RAD21L1: variants seen among roughly 807,000 people sequenced by gnomAD.
RAD21L1 encodes the protein double-strand-break repair protein rad21-like protein 1.
Under a neutral mutation model 69.0 loss-of-function variants are expected in RAD21L1, and 47 were observed. That is an observed-to-expected ratio of 0.68 (90% CI 0.54 to 0.87). The LOEUF (loss-of-function observed/expected upper bound fraction) is 0.87. Among genes scored for constraint, RAD21L1 ranks in the 40% least tolerant of loss-of-function variants. RAD21L1 has a pLI of 0.00. For missense variants in RAD21L1, 583 were observed against 647.6 expected, an observed-to-expected ratio of 0.90 and a Z score of 1.08; for synonymous variants, 177 against 205.8, an observed-to-expected ratio of 0.86 and a Z score of 1.20.
intron 4 of RAD21L1, among the ~76,000 whole-genome samples, chr20:1,233,874 T>C (rs1480147195): frequency 6.6e-6 from 1 of 152,202 alleles, no homozygotes; most frequent in East Asian, 1.9e-4. Flanking sequence ...GCTGTTTGTT[T>C]GTGCAAATAA....
At chr20:1,229,463 C>T (rs778465062) in intron 2 of RAD21L1, among the ~76,000 whole-genome samples, 70 of 152,214 alleles carry the variant, frequency 4.6e-4, no homozygotes, top group Admixed American at 1.0e-3. Flanking sequence ...TGCAGTGAGC[C>T]AAGATTGCGC....
chr20:1,245,952 G>A (rs2087708481), intron 11 of RAD21L1, among the ~76,000 whole-genome samples: 1 of 151,940 alleles, frequency 6.6e-6, no homozygotes, highest in Middle Eastern at 3.2e-3. Flanking sequence ...CAGTAGAGAG[G>A]GAAATAGGAA....
intron 8 of RAD21L1, among the ~76,000 whole-genome samples, chr20:1,241,218 C>A (rs1478178355): frequency 6.6e-6 from 1 of 152,188 alleles, no homozygotes; most frequent in Non-Finnish European, 1.5e-5. Context: ...ACACTTTTTA[C>A]TTTTAAGAAG....
At chr20:1,227,429 G>A (rs1405060501) in intron 1 of RAD21L1, among the ~76,000 whole-genome samples, 1 of 152,228 alleles carries the variant, frequency 6.6e-6, no homozygotes, top group Non-Finnish European at 1.5e-5. Flanking sequence ...TTGAATTCTT[G>A]CGGTACAAAT....
At chr20:1,227,072 G>A (rs1227191310) in intron 1 of RAD21L1, among the ~76,000 whole-genome samples, 1 of 152,100 alleles carries the variant, frequency 6.6e-6, no homozygotes, top group Non-Finnish European at 1.5e-5. Flanking sequence ...ACCGTGCCTG[G>A]CTACTTTTTG....
chr20:1,244,288 T>A, intron 11 of RAD21L1, 118 bp downstream of exon 11: 2 of 744,788 alleles, frequency 2.7e-6, no homozygotes, highest in Non-Finnish European at 4.0e-6. Flanking sequence ...TTTTAAATTG[T>A]TTTGCAATTT....
rs535982290 is a variant in RAD21L1, at chr20:1,254,072, C to T, written c.1480-197C>T. On this transcript the variant is annotated intron_variant, in intron 13 of 13. Coordinates refer to ENST00000683101, the MANE Select transcript of RAD21L1 (RefSeq NM_001384355.1). ...GGAATTCTTTTGCATGCATGTTCTT[C>T]ACGAACCAAGCTTGTGTACAGTAAC... is the stretch of plus-strand genomic sequence containing the variant. 2.6e-5 allele frequency among the ~76,000 whole-genome samples: 4 copies of T among 152,282 alleles called. 1 individual carries two copies. The South Asian group carries it at 8.3e-4, about 32-fold the overall frequency.
chr20:1,231,546 G>A lies in RAD21L1; in HGVS notation c.295G>A (p.Glu99Lys), dbSNP rs1414242962. Residue 99 changes from glutamate to lysine, a missense_variant, in exon 4 of 14, where the codon GAG becomes AAG. Transcript: ENST00000683101. The stretch of plus-strand genomic sequence containing the variant: ...TTCAGGACTGGTTGACCTTCCAAAA[G>A]AGAATTTTGAAGCATCTTACAATGC... Reference protein sequence around the residue: ...FCPGLVDLPKENFEASYNAIT... With the variant: ...FCPGLVDLPKKNFEASYNAIT... 6.5e-7 allele frequency: 1 copy of A among 1,538,436 alleles called. No homozygotes were observed. Among genetic ancestry groups the A allele is most frequent in the Admixed American group, 2.0e-5 (1 of 50,100 alleles).
chr20:1,255,153 CTATT>C lies in RAD21L1; in HGVS notation c.*700_*703del, dbSNP rs200915151. The stretch of plus-strand genomic sequence containing the variant: ...TTAAATTGCCTGAGTGGGTTTTAGT[CTATT>C]TATAGGTCACTTAACTTTTTTATTT... On this transcript the variant is annotated 3_prime_UTR_variant, in exon 14 of 14. Coordinates refer to ENST00000683101, the MANE Select transcript of RAD21L1 (RefSeq NM_001384355.1). 0.014 allele frequency among the ~76,000 whole-genome samples: 2,096 copies of C among 152,142 alleles called. 41 individuals carry two copies. Among genetic ancestry groups the C allele is most frequent in the African/African-American group, 0.048 (1,990 of 41,498 alleles).
intron 7 of RAD21L1, among the ~76,000 whole-genome samples, chr20:1,239,740 T>C (rs1240275272): frequency 6.6e-6 from 1 of 152,214 alleles, no homozygotes; most frequent in Admixed American, 6.5e-5. Context: ...AAATTACAAA[T>C]TGAGGATATT....
At chr20:1,240,235 AT>A in intron 7 of RAD21L1, 85 bp from the exon 8 acceptor site, 1 of 1,413,396 alleles carries the variant, frequency 7.1e-7, no homozygotes, top group Non-Finnish European at 9.2e-7. Context: ...CAGTTAGTTT[AT>A]CTTTATCTTT....
intron 13 of RAD21L1, among the ~76,000 whole-genome samples, chr20:1,252,352 T>C (rs888823041): frequency 6.6e-6 from 1 of 152,138 alleles, no homozygotes; most frequent in Non-Finnish European, 1.5e-5. Flanking sequence ...GGGTGGCACC[T>C]CTCACCTTCC....
At position 1,254,430 on chromosome 20, in the gene RAD21L1, G is replaced by A. The variant is rs2087896615; in HGVS notation, c.1641G>A (p.Thr547=). 5 of 1,541,870 alleles carry A rather than the reference G, an allele frequency of 3.2e-6. No individual in the cohort carries two copies. Among genetic ancestry groups the A allele is most frequent in the Non-Finnish European group, 3.5e-6 (4 of 1,142,078 alleles). The change falls in exon 14 of 14, where the codon ACG becomes ACA. Residue 547 remains threonine, a synonymous_variant. Coordinates refer to ENST00000683101, the MANE Select transcript of RAD21L1 (RefSeq NM_001384355.1). The part of the protein sequence containing the change: ...QSAPYADIIA[T]MGPMFYNI The stretch of plus-strand genomic sequence containing the variant: ...CTCCCTATGCAGATATTATAGCTAC[G>A]ATGGGACCAATGTTTTATAACATAT...
chr20:1,238,813 T>TTTTA (rs1350037712), intron 6 of RAD21L1, among the ~76,000 whole-genome samples: 8 of 151,998 alleles, frequency 5.3e-5, no homozygotes, highest in Admixed American at 5.2e-4. Flanking sequence ...AATGCACATG[T>TTTTA]TTTATTTATT....
intron 7 of RAD21L1, among the ~76,000 whole-genome samples, chr20:1,239,941 T>C (rs143825781): frequency 6.2e-4 from 95 of 152,326 alleles, no homozygotes; most frequent in African/African-American, 2.2e-3. Flanking sequence ...ATTTTACTTA[T>C]GGTTTTTTAT....
chr20:1,242,510 G>A (rs2087627542), intron 8 of RAD21L1, 109 bp from the exon 9 acceptor site: 1 of 829,416 alleles, frequency 1.2e-6, no homozygotes. Context: ...TAGGATTACA[G>A]GCATGAGCCA....
At chr20:1,227,598 G>C (rs1204896052) in intron 1 of RAD21L1, among the ~76,000 whole-genome samples, 1 of 152,168 alleles carries the variant, frequency 6.6e-6, no homozygotes, top group Non-Finnish European at 1.5e-5. Flanking sequence ...GCAATAATTT[G>C]ATTCTTCCCT....
chr20:1,251,568 TTTTA>T (rs1395444754), intron 13 of RAD21L1, among the ~76,000 whole-genome samples: 5 of 151,956 alleles, frequency 3.3e-5, no homozygotes, highest in African/African-American at 1.2e-4. Context: ...TCAGTTTCCT[TTTTA>T]TTTATGTTTT....
chr20:1,248,695 C>T lies in RAD21L1; in HGVS notation c.1471C>T (p.Arg491Cys), dbSNP rs1411724276. The change falls in exon 13 of 14, where the codon CGT becomes TGT. Residue 491 changes from arginine to cysteine, a missense_variant. Arg to Cys is a radical substitution (Grantham distance 180). Coordinates refer to ENST00000683101, the MANE Select transcript of RAD21L1 (RefSeq NM_001384355.1). ...WNGRILQMLN[R>C]LRESNKMGMQ... ...TGGAAGAATACTTCAGATGTTAAAT[C>T]GTTTACGGGTGAGATGCTAGGGTTT... 13 of 1,519,164 alleles carry T rather than the reference C, an allele frequency of 8.6e-6. No homozygotes were observed. The highest frequency in any genetic ancestry group is 6.2e-5 in the South Asian group (5 of 80,488). 94.1% of individuals were successfully genotyped at this position (1,519,164 alleles called of 1,614,324 possible).
Sources: allele counts gnomAD v4.1 joint callset (sites outside exome capture counted in the v4.1 genomes callset), GRCh38; gene constraint gnomAD v4.1.1; transcripts MANE v1.5; gene names NCBI Gene and HGNC (gene_info 2026-07-23, HGNC 2026-07-21).